STK36: variants seen among roughly 807,000 people sequenced by gnomAD.
STK36 encodes serine/threonine-protein kinase 36.
STK36 carries 116 observed loss-of-function variants against 142.2 expected under a neutral mutation model. The observed-to-expected ratio is 0.82, with a 90% CI of 0.70 to 0.95. The LOEUF (loss-of-function observed/expected upper bound fraction) is 0.95, where lower values mean the gene tolerates loss of function less well. STK36 is among the 40% of genes least tolerant of loss of function. The probability of loss-of-function intolerance (pLI) is 0.00; values close to 1 mark genes in which losing one functional copy is unlikely to be tolerated. For synonymous variants in STK36, 619 were observed against 641.7 expected (o/e 0.96, Z 0.53); for missense variants, 1,422 against 1,617.2 (o/e 0.88, Z 2.07).
At chr2:218,701,832 T>C (rs780755582) in intron 26 of STK36, 34 bp from the exon 27 acceptor site, 14 of 1,610,698 alleles carry the variant, frequency 8.7e-6, no homozygotes, top group South Asian at 4.4e-5. Context: ...CTGAGCCTCA[T>C]GTTCTGTTCT....
At position 218,680,702 on chromosome 2, in the gene STK36, G is replaced by A. The variant is rs1940478636; in HGVS notation, c.1236G>A (p.Glu412=). 1 of 1,610,588 alleles carries A rather than the reference G, an allele frequency of 6.2e-7. No homozygotes were observed. The highest frequency in any genetic ancestry group is 8.5e-7 in the Non-Finnish European group (1 of 1,178,722). ...CTGATGTAGTGGACCTGGAAAATGA[G>A]GTGAGCCCTAGGGTCTCTTACTGAC... ...RSTDVVDLEN[E]EPDSDNEWQH... The change falls in exon 10 of 27, where the codon GAG becomes GAA. Residue 412 remains glutamate (E), a splice_region_variant and synonymous_variant. Transcript: ENST00000295709.
At chr2:218,675,950 GAT>G (rs1490459027) in intron 5 of STK36, 77 bp from the exon 6 acceptor site, 5 of 1,565,174 alleles carry the variant, frequency 3.2e-6, no homozygotes, top group Non-Finnish European at 4.3e-6. Context: ...TCCGGTTTGG[GAT>G]ATCTCTATGT....
chr2:218,686,149 C>T (rs189228881), intron 11 of STK36, among the ~76,000 whole-genome samples: 100 of 152,260 alleles, frequency 6.6e-4, no homozygotes, highest in African/African-American at 2.0e-3. Flanking sequence ...CCATCTTAGC[C>T]AGGCTGGTCT....
chr2:218,677,256 C>G (rs1940297792), intron 6 of STK36, among the ~76,000 whole-genome samples: 1 of 152,206 alleles, frequency 6.6e-6, no homozygotes, highest in Non-Finnish European at 1.5e-5. Context: ...TTTAAACAGC[C>G]AGATCTCGTG....
At chr2:218,688,294 T>C (rs1174329695) in intron 11 of STK36, 2 of 452,638 alleles carry the variant, frequency 4.4e-6, no homozygotes, top group Non-Finnish European at 8.8e-6. Flanking sequence ...AGTTGAATAA[T>C]GTTGTTTTGT....
intron 9 of STK36, among the ~76,000 whole-genome samples, chr2:218,680,375 C>T (rs776658253): frequency 2.6e-5 from 4 of 152,184 alleles, no homozygotes; most frequent in Non-Finnish European, 5.9e-5. Flanking sequence ...TAGGTGAAAA[C>T]TGCAAAGTAG....
Position 218,693,733 on chromosome 2 carries a change from C to T in STK36, c.2159C>T (p.Ser720Phe). Residue 720 changes from serine to phenylalanine, a missense_variant, in exon 18 of 27, where the codon TCC becomes TTC. Transcript: ENST00000295709. Reference sequence around the variant, plus strand: ...TTCCTTCTCCCTCAGGTTCTATACTCCTGCTGCCTTGTCAGTGAGGGCCTG... The same window carrying T: ...TTCCTTCTCCCTCAGGTTCTATACTTCTGCTGCCTTGTCAGTGAGGGCCTG... ...LCLHLLKVLYSCCLVSEGLCR... is the reference protein window; with the variant it reads ...LCLHLLKVLYFCCLVSEGLCR... 1 of 1,614,080 alleles carries T rather than the reference C, an allele frequency of 6.2e-7. No homozygotes were observed. The highest frequency in any genetic ancestry group is 1.3e-5 in the African/African-American group (1 of 75,066).
In STK36 at chr2:218,676,101, A is replaced by G. The variant is rs1381074904; in HGVS notation, c.507A>G (p.Pro169=). 7 of 1,614,186 alleles carry G rather than the reference A, an allele frequency of 4.3e-6. No homozygotes were observed. The highest frequency in any genetic ancestry group is 1.7e-5 in the Admixed American group (1 of 60,012). The change falls in exon 6 of 27, where the codon CCA becomes CCG. Residue 169 remains proline (P), a synonymous_variant. Transcript: ENST00000295709. ...AAGGCACACCACTCTATATGTCTCC[A>G]GAGCTGGTGGAGGAGCGACCATACG... ...SIKGTPLYMS[P]ELVEERPYDH...
At chr2:218,690,613 A>G in intron 14 of STK36, 58 bp downstream of exon 14, 1 of 1,368,598 alleles carries the variant, frequency 7.3e-7, no homozygotes, top group South Asian at 1.2e-5. Flanking sequence ...TGTTTCTCCC[A>G]TCCCCTTTCT....
At chr2:218,675,762 G>A (rs544810620) in intron 5 of STK36, among the ~76,000 whole-genome samples, 1 of 151,938 alleles carries the variant, frequency 6.6e-6, no homozygotes, top group Non-Finnish European at 1.5e-5. Flanking sequence ...GACCTCAGGT[G>A]ATCTGCCCAC....
At chr2:218,697,298 G>T (rs909680727) in intron 23 of STK36, 85 bp downstream of exon 23, 10 of 1,535,668 alleles carry the variant, frequency 6.5e-6, no homozygotes, top group Non-Finnish European at 8.7e-6. Context: ...ACCCACAGAG[G>T]TTTATTTTTT....
chr2:218,673,575 T>A lies in STK36; in HGVS notation c.85-50T>A, dbSNP rs1368346788. 2.6e-6 allele frequency: 4 copies of A among 1,557,530 alleles called. No homozygotes were observed. In the South Asian group the frequency reaches 3.7e-5, roughly 14 times the overall value. On this transcript the variant is annotated intron_variant, in intron 2 of 26. Transcript: ENST00000295709. ...CTGAGATTAAGGCTGAAATTCTAGA[T>A]CTTTTCAGTAGTGTGATTAGGCGTT...
rs533620248 is a variant in STK36 at position 218,676,265 on chromosome 2, G to A, written c.671G>A (p.Ser224Asn). ...KDPVRWPSTI[S>N]PCFKNFLQGL... is the part of the protein sequence containing the mutation. Reference sequence around the variant, plus strand: ...CCTGTGCGCTGGCCCTCAACCATCAGTCCCTGCTTTAAGGTAATGAATATT... The same window carrying A: ...CCTGTGCGCTGGCCCTCAACCATCAATCCCTGCTTTAAGGTAATGAATATT... The change falls in exon 6 of 27, where the codon AGT becomes AAT. Residue 224 changes from serine to asparagine, a missense_variant. Physicochemically the swap from Ser to Asn is conservative, Grantham distance 46. Coordinates refer to ENST00000295709, the MANE Select transcript of STK36 (RefSeq NM_015690.5). The A allele has an allele frequency of 2.2e-5, 35 of 1,614,170 alleles. No homozygotes were observed. In the East Asian group the frequency reaches 6.5e-4, roughly 30 times the overall value.
At chr2:218,693,862 A>G in intron 18 of STK36, 33 bp from the exon 19 acceptor site, 1 of 1,614,128 alleles carries the variant, frequency 6.2e-7, no homozygotes, top group Non-Finnish European at 8.5e-7. Context: ...TCTCAGCCAG[A>G]GGTTGTTCTG....
At chr2:218,677,052 G>A (rs1940286184) in intron 6 of STK36, among the ~76,000 whole-genome samples, 1 of 152,162 alleles carries the variant, frequency 6.6e-6, no homozygotes, top group Non-Finnish European at 1.5e-5. Context: ...TTCTGCCTCA[G>A]CCTCCCGAGT....
intron 13 of STK36, 124 bp from the exon 14 acceptor site, chr2:218,690,326 A>G: frequency 1.3e-6 from 1 of 786,988 alleles, no homozygotes; most frequent in Non-Finnish European, 2.2e-6. Context: ...GCAAGGGAGA[A>G]GGGAGGAACA....
chr2:218,698,164 T>G (rs1301550178), intron 25 of STK36, among the ~76,000 whole-genome samples, 163 bp downstream of exon 25: 2 of 152,196 alleles, frequency 1.3e-5, no homozygotes, highest in Admixed American at 6.5e-5. Context: ...CCTGCGCATG[T>G]GGTGGAGGCA....
rs1261311270 is a variant in STK36, at chr2:218,688,808, G to A, written c.1492G>A (p.Glu498Lys). The change falls in exon 12 of 27, where the codon GAG (glutamate) becomes AAG (lysine). Residue 498 changes from glutamate to lysine, a missense_variant. By Grantham distance (56) the Glu-to-Lys change is moderately conservative. Around this residue, in one of 2 missense-constraint regions of STK36, gnomAD observed 962 missense variants for 1,167.5 expected, o/e 0.82. Transcript: ENST00000295709. ...TGTTGCCTTGTATTCCTTCTGCCGG[G>A]AGGCAGGGCTTCCTGGGCTGCTGCT... Reference protein sequence around the residue: ...DSVALYSFCREAGLPGLLLSL... With the variant: ...DSVALYSFCRKAGLPGLLLSL... The A allele has an allele frequency of 1.9e-6, 3 of 1,613,786 alleles. No homozygotes were observed. The highest frequency in any genetic ancestry group is 2.7e-5 in the African/African-American group (2 of 74,922).
rs539386453 is a variant in STK36 at position 218,694,351 on chromosome 2, C to T, written c.2400+24C>T. On this transcript the variant is annotated intron_variant, in intron 20 of 26. Transcript: ENST00000295709. This position sits in a 1 kb window ranked among gnomAD's most constrained non-coding sequence, Gnocchi z 4.4. ...TGGTAAGTTTTTAACCTTCACCCTC[C>T]TCCCCTTTTCACCCTAGCATCTACC... 9.8e-5 allele frequency: 158 copies of T among 1,606,848 alleles called. No individual in the cohort carries two copies. The South Asian group carries it at 1.7e-3, about 17-fold the overall frequency.
Sources: allele counts gnomAD v4.1 joint callset (sites outside exome capture counted in the v4.1 genomes callset), GRCh38; gene constraint gnomAD v4.1.1; regional missense constraint gnomAD v4.1.1; non-coding constraint Gnocchi (gnomAD v3.1); transcripts MANE v1.5; gene names NCBI Gene and HGNC (gene_info 2026-07-23, HGNC 2026-07-21).